TBCK: variants seen among roughly 807,000 people sequenced by gnomAD.
TBCK encodes TBC domain-containing protein kinase-like protein.
Under a neutral mutation model 113.4 loss-of-function variants are expected in TBCK, and 99 were observed. The observed-to-expected ratio is 0.87, with a 90% confidence interval of 0.74 to 1.03. The LOEUF (loss-of-function observed/expected upper bound fraction) is 1.03, where lower values mean the gene tolerates loss of function less well. Ranked by LOEUF, TBCK falls within the 50% of genes least tolerant of loss-of-function variation. The pLI is 0.00. For synonymous variants in TBCK, 369 were observed against 370.8 expected, an observed-to-expected ratio of 1.00 and a Z score of 0.05; for missense variants, 1,045 against 1,061.3, an observed-to-expected ratio of 0.98 and a Z score of 0.21.
At chr4:106,194,285 G>A (rs767797485) in intron 21 of TBCK, among the ~76,000 whole-genome samples, 14 of 151,912 alleles carry the variant, frequency 9.2e-5, no homozygotes, top group Non-Finnish European at 2.1e-4. Flanking sequence ...TATTAGTAAG[G>A]ATGTCCACTT....
chr4:106,070,550 T>G (rs942924775), intron 25 of TBCK, among the ~76,000 whole-genome samples: 1 of 152,278 alleles, frequency 6.6e-6, no homozygotes, highest in East Asian at 1.9e-4. Context: ...TGCCAGTATT[T>G]TATTGAGGAT....
intron 2 of TBCK, chr4:106,297,681 T>C (rs947572064): frequency 6.6e-6 from 1 of 152,242 alleles, no homozygotes; most frequent in Non-Finnish European, 1.5e-5. Context: ...ACACTGATCT[T>C]CCTTCTGGCC....
At chr4:106,089,703 G>A (rs1739981336) in intron 25 of TBCK, among the ~76,000 whole-genome samples, 1 of 152,224 alleles carries the variant, frequency 6.6e-6, no homozygotes, top group African/African-American at 2.4e-5. Context: ...TTGGCCAAAA[G>A]AGAGGCAATA....
At chr4:106,255,971 T>C (rs1045927763) in intron 5 of TBCK, among the ~76,000 whole-genome samples, 44 of 152,166 alleles carry the variant, frequency 2.9e-4, no homozygotes, top group African/African-American at 9.6e-4. Flanking sequence ...TCCCCTCAGG[T>C]GGGGTGTCCC....
intron 22 of TBCK, among the ~76,000 whole-genome samples, chr4:106,178,978 C>T (rs578035563): frequency 6.6e-6 from 1 of 151,790 alleles, no homozygotes; most frequent in Non-Finnish European, 1.5e-5. Context: ...CTGTATGTGT[C>T]CAGAAATTTA....
At chr4:106,247,432 T>C in intron 9 of TBCK, 145 bp from the exon 10 acceptor site, 1 of 665,036 alleles carries the variant, frequency 1.5e-6, no homozygotes, top group Non-Finnish European at 2.5e-6. Context: ...AGAGTCTAGA[T>C]GCATACTTTT....
chr4:106,286,889 A>G (rs1765169521), intron 3 of TBCK, among the ~76,000 whole-genome samples: 1 of 151,732 alleles, frequency 6.6e-6, no homozygotes, highest in South Asian at 2.1e-4. Context: ...TCTCAAAAAA[A>G]CAAAAAGGCA....
intron 25 of TBCK, among the ~76,000 whole-genome samples, chr4:106,087,166 T>C (rs150801951): frequency 3.6e-4 from 55 of 152,322 alleles, no homozygotes; most frequent in African/African-American, 1.3e-3. Flanking sequence ...GATAACATGA[T>C]TTTATATTTA....
chr4:106,210,920 AT>A (rs1423170058), intron 20 of TBCK, among the ~76,000 whole-genome samples: 1 of 152,128 alleles, frequency 6.6e-6, no homozygotes, highest in Non-Finnish European at 1.5e-5. Flanking sequence ...ATCTCTGTTC[AT>A]GAATATGTCT....
intron 2 of TBCK, among the ~76,000 whole-genome samples, chr4:106,303,712 AC>A (rs1767200048): frequency 6.6e-6 from 1 of 152,110 alleles, no homozygotes. Context: ...TAGGGACTTA[AC>A]AAAAACCAGC....
chr4:106,121,446 T>A (rs1231680128), intron 23 of TBCK, among the ~76,000 whole-genome samples: 1 of 146,298 alleles, frequency 6.8e-6, no homozygotes, highest in African/African-American at 2.6e-5. Context: ...CACCCCACTG[T>A]CAACATTAGA....
At chr4:106,189,342 C>CAAA (rs1189938399) in intron 22 of TBCK, among the ~76,000 whole-genome samples, 2 of 59,434 alleles carry the variant, frequency 3.4e-5, no homozygotes, top group Admixed American at 2.0e-4. Flanking sequence ...GACTCCATCT[C>CAAA]AAAAAAAAAA....
At chr4:106,280,089 A>G (rs1049485728) in intron 3 of TBCK, among the ~76,000 whole-genome samples, 1 of 152,042 alleles carries the variant, frequency 6.6e-6, no homozygotes, top group African/African-American at 2.4e-5. Flanking sequence ...ACCCTTGCCA[A>G]CATTTATTCT....
chr4:106,190,934 G>A (rs1383210587), intron 22 of TBCK, among the ~76,000 whole-genome samples: 1 of 152,036 alleles, frequency 6.6e-6, no homozygotes, highest in African/African-American at 2.4e-5. Flanking sequence ...TAGAGATAGA[G>A]TTTCACCATG....
intron 5 of TBCK, among the ~76,000 whole-genome samples, chr4:106,252,982 A>G (rs193276072): frequency 6.3e-4 from 96 of 152,278 alleles, no homozygotes; most frequent in African/African-American, 2.2e-3. Context: ...ATTAAATATG[A>G]ATAAGGCATA....
Position 106,295,234 on chromosome 4 carries a change from C to T in TBCK, c.194-68G>A, listed in dbSNP as rs1034749683. The T allele has an allele frequency of 1.3e-5, 18 of 1,348,204 alleles. No individual in the cohort carries two copies. The African/African-American group carries it at 2.3e-4, about 17-fold the overall frequency. 83.5% of individuals were successfully genotyped at this position (1,348,204 alleles called of 1,614,324 possible). ...AACATGTTAAAAACAAAATAATACT[C>T]TCCACTGATGATATTAATATATAAC... On this transcript the variant is annotated intron_variant, in intron 2 of 25. Transcript: ENST00000394708.
intron 19 of TBCK, among the ~76,000 whole-genome samples, chr4:106,225,992 A>T (rs1758203498): frequency 6.6e-6 from 1 of 151,876 alleles, no homozygotes; most frequent in Admixed American, 6.6e-5. Context: ...CCAAACTCTT[A>T]TCTCTACAAA....
In TBCK at chr4:106,073,132, G is replaced by C. The variant is rs149787348; in HGVS notation, c.2571+22350C>G. Among the ~76,000 whole-genome samples the C allele has an allele frequency of 5.7e-3, 863 of 152,302 alleles. 10 individuals are homozygous for C. Among genetic ancestry groups the C allele is most frequent in the African/African-American group, 0.02 (834 of 41,556 alleles). On this transcript the variant is annotated intron_variant, in intron 25 of 25. Coordinates refer to ENST00000394708, the MANE Select transcript of TBCK (RefSeq NM_001163435.3). ...TCAAAGTCATTCTCCGTCCACCTTTGTTCTGTTGCTGGCAAGAAGCTGTAA... is the reference window on the plus strand; with the variant it reads ...TCAAAGTCATTCTCCGTCCACCTTTCTTCTGTTGCTGGCAAGAAGCTGTAA...
At chr4:106,081,011 C>A (rs1738794558) in intron 25 of TBCK, among the ~76,000 whole-genome samples, 1 of 152,074 alleles carries the variant, frequency 6.6e-6, no homozygotes, top group Non-Finnish European at 1.5e-5. Flanking sequence ...ATTAAAAAGT[C>A]AAACAACATA....
Sources: gnomAD v4.1 joint callset for allele counts (sites outside exome capture counted in the v4.1 genomes callset) on GRCh38, gnomAD v4.1.1 for gene constraint, MANE v1.5 for transcripts, NCBI Gene and HGNC (gene_info 2026-07-23, HGNC 2026-07-21) for gene names.